Variants in WWP2 observed in about 807,000 individuals in gnomAD.
WWP2 encodes the protein NEDD4-like E3 ubiquitin-protein ligase WWP2.
WWP2 carries 57 observed loss-of-function variants against 121.0 expected under a neutral mutation model. That is an observed-to-expected ratio of 0.47 (90% CI 0.38 to 0.59). WWP2 has a LOEUF of 0.59. Ranked by LOEUF, WWP2 falls within the 20% of genes least tolerant of loss-of-function variation. The pLI is 0.00. For missense variants in WWP2, 962 were observed against 1,158.9 expected (o/e 0.83, Z 2.47); for synonymous variants, 449 against 441.3 (o/e 1.02, Z -0.22).
At position 69,930,245 on chromosome 16, in the gene WWP2, G is replaced by A; in HGVS notation, c.1432G>A (p.Gly478Arg). 6.2e-7 allele frequency: 1 copy of A among 1,613,880 alleles called. No individual in the cohort carries two copies. The highest frequency in any genetic ancestry group is 8.5e-7 in the Non-Finnish European group (1 of 1,179,904). The change falls in exon 13 of 24, where the codon GGG becomes AGG. Residue 478 changes from glycine (G) to arginine (R), a missense_variant. This residue lies in a region of WWP2 where 606 missense variants were observed against 772.6 expected (regional missense o/e 0.78). Coordinates refer to ENST00000359154, the MANE Select transcript of WWP2 (RefSeq NM_001270454.2). ...CACCACCTTTAAGGATCCTCGCCCG[G>A]GGTTTGAGTCGGGGTAAGGACTTTG... ...RTTTFKDPRPGFESGTKQGSP... is the reference protein window; with the variant it reads ...RTTTFKDPRPRFESGTKQGSP...
chr16:69,915,735 A>G (rs1312927697), intron 9 of WWP2, among the ~76,000 whole-genome samples: 5 of 152,124 alleles, frequency 3.3e-5, no homozygotes, highest in Non-Finnish European at 1.5e-5. Flanking sequence ...TTTCAAAACT[A>G]TATACATATG....
intron 11 of WWP2, among the ~76,000 whole-genome samples, chr16:69,926,829 T>C (rs779392372): frequency 1.3e-5 from 2 of 152,174 alleles, no homozygotes; most frequent in Non-Finnish European, 2.9e-5. Flanking sequence ...GCGTCGTCAG[T>C]AGGCAGGGGA....
At chr16:69,832,517 G>A (rs1208289303) in intron 4 of WWP2, among the ~76,000 whole-genome samples, 2 of 152,142 alleles carry the variant, frequency 1.3e-5, no homozygotes, top group Non-Finnish European at 2.9e-5. Flanking sequence ...CAGTTGTAGT[G>A]TAACCCTTTC....
chr16:69,871,726 A>C, intron 6 of WWP2, 78 bp from the exon 7 acceptor site: 1 of 1,575,014 alleles, frequency 6.3e-7, no homozygotes, highest in Non-Finnish European at 8.7e-7. Flanking sequence ...AGAAGGGAAT[A>C]TGATGACTTA....
intron 8 of WWP2, among the ~76,000 whole-genome samples, chr16:69,899,173 T>G (rs2151950194): frequency 6.6e-6 from 1 of 152,364 alleles, no homozygotes; most frequent in African/African-American, 2.4e-5. Context: ...TTCATGTGTC[T>G]TTTGTGTTTT....
rs568949773 is a variant in WWP2, at chr16:69,894,114, C to T, written c.914+5865C>T. ...TAACTGAGATGGAGTCTCGCTCTGT[C>T]ACCCAGGCTGGAGTGCAGTGGCAAG... On this transcript the variant is annotated intron_variant, in intron 8 of 23. Coordinates refer to ENST00000359154, the MANE Select transcript of WWP2 (RefSeq NM_001270454.2). Among the ~76,000 whole-genome samples, 229 of 151,458 alleles carry T rather than the reference C, an allele frequency of 1.5e-3. 1 individual carries two copies. Among genetic ancestry groups the T allele is most frequent in the African/African-American group, 5.4e-3 (222 of 41,268 alleles).
chr16:69,871,271 C>T (rs1302224689), intron 6 of WWP2, among the ~76,000 whole-genome samples: 1 of 152,114 alleles, frequency 6.6e-6, no homozygotes, highest in Non-Finnish European at 1.5e-5. Context: ...AGAGTGTGAC[C>T]CTGTCTCTAA....
chr16:69,808,079 C>T (rs2056317378), intron 4 of WWP2, among the ~76,000 whole-genome samples: 1 of 152,188 alleles, frequency 6.6e-6, no homozygotes, highest in Admixed American at 6.5e-5. Context: ...CAGAAGTTTC[C>T]CATTGTCCCT....
Position 69,929,477 on chromosome 16 carries a change from T to C in WWP2, c.1264T>C (p.Tyr422His). ...GAGACAGGACAATGGACGGGTGTAT[T>C]ACGTGAACCATAACACTCGCACGAC... The part of the protein sequence containing the change: ...EKRQDNGRVY[Y>H]VNHNTRTTQW... The change falls in exon 12 of 24, where the codon TAC becomes CAC. Residue 422 changes from tyrosine to histidine, a missense_variant. This residue lies in a region of WWP2 where 606 missense variants were observed against 772.6 expected (regional missense o/e 0.78). Transcript: ENST00000359154. 6.2e-7 allele frequency: 1 copy of C among 1,614,148 alleles called. No homozygotes were observed. The highest frequency in any genetic ancestry group is 2.2e-5 in the East Asian group (1 of 44,866).
rs186939545 is a variant in WWP2 at position 69,846,007 on chromosome 16, G to A, written c.575+3887G>A. On this transcript the variant is annotated intron_variant, in intron 6 of 23. Coordinates refer to ENST00000359154, the MANE Select transcript of WWP2 (RefSeq NM_001270454.2). The stretch of plus-strand genomic sequence containing the variant: ...GGAGGTTGCAGTGAGCTGAGATCTA[G>A]CCACTGCACTCCAGCCTGGGTGACA... Among the ~76,000 whole-genome samples the A allele has an allele frequency of 1.1e-3, 141 of 129,300 alleles. 2 individuals are homozygous for A. The highest frequency in any genetic ancestry group is 9.1e-3 in the Admixed American group (97 of 10,670). The allele number at this position is 129,300 out of a possible 152,430, so 84.8% of individuals were successfully genotyped here.
At position 69,799,250 on chromosome 16, in the gene WWP2, G is replaced by A. The variant is rs369381187; in HGVS notation, c.295G>A (p.Ala99Thr). 2.8e-5 allele frequency: 45 copies of A among 1,613,970 alleles called. No homozygotes were observed. Among genetic ancestry groups the A allele is most frequent in the Non-Finnish European group, 3.5e-5 (41 of 1,180,014 alleles). Residue 99 changes from alanine (A) to threonine (T), a missense_variant, in exon 4 of 24, where the codon GCA (alanine) becomes ACA (threonine). Ala to Thr is a moderately conservative substitution (Grantham distance 58). Transcript: ENST00000359154. The surrounding 1 kb of genome is among the most constrained non-coding windows in gnomAD (Gnocchi z 4.5). ...HTLRNELLGT[A>T]SVNLSNVLKN... ...CTTGAGAAATGAACTGCTAGGCACC[G>A]CATCTGTCAACCTCTCCAACGTCTT...
intron 7 of WWP2, among the ~76,000 whole-genome samples, chr16:69,877,333 C>A (rs1255570794): frequency 1.3e-5 from 2 of 152,212 alleles, no homozygotes; most frequent in African/African-American, 4.8e-5. Flanking sequence ...AACTTTTCTT[C>A]TGCAACTTCC....
chr16:69,930,342 G>T (rs1369123551), intron 13 of WWP2, 84 bp downstream of exon 13: 7 of 1,565,894 alleles, frequency 4.5e-6, no homozygotes, highest in Non-Finnish European at 6.1e-6. Flanking sequence ...CCCACTTTGG[G>T]TGGCCCCTGT....
intron 21 of WWP2, among the ~76,000 whole-genome samples, chr16:69,938,636 G>A (rs1170793038): frequency 6.6e-6 from 1 of 152,024 alleles, no homozygotes; most frequent in Non-Finnish European, 1.5e-5. Flanking sequence ...ACAGAGCAGT[G>A]GCTTCCAGTA....
At chr16:69,839,698 A>C (rs971412158) in intron 4 of WWP2, among the ~76,000 whole-genome samples, 4 of 152,262 alleles carry the variant, frequency 2.6e-5, no homozygotes, top group African/African-American at 9.6e-5. Context: ...AAGCCCCTGC[A>C]ATCCCTCATC....
intron 4 of WWP2, among the ~76,000 whole-genome samples, chr16:69,816,678 CAT>C (rs1320025445): frequency 7.2e-5 from 11 of 152,152 alleles, no homozygotes; most frequent in African/African-American, 2.4e-4. Context: ...TGAATTCCCT[CAT>C]ATGTATATAC....
intron 7 of WWP2, among the ~76,000 whole-genome samples, chr16:69,886,716 C>T (rs941961734): frequency 9.9e-5 from 15 of 152,114 alleles, no homozygotes; most frequent in Admixed American, 5.2e-4. Context: ...GCCAAGATGG[C>T]GCCATTCCAC....
Position 69,941,687 on chromosome 16 carries a change from C to T in WWP2, c.*1747C>T, listed in dbSNP as rs770542482. On this transcript the variant is annotated 3_prime_UTR_variant, in exon 24 of 24. Coordinates refer to ENST00000359154, the MANE Select transcript of WWP2 (RefSeq NM_001270454.2). ...GGTCACCAGATTGTTTTGTAATGCC[C>T]GCCCCTTGCCTCGATATTGCCAGTT... The T allele has an allele frequency of 6.5e-6, 1 of 153,672 alleles. No individual in the cohort carries two copies. The highest frequency in any genetic ancestry group is 1.5e-5 in the Non-Finnish European group (1 of 68,066). The allele number at this position is 153,672 out of a possible 1,614,324, so 9.5% of individuals were successfully genotyped here.
At chr16:69,785,820 T>C (rs984088441) in intron 1 of WWP2, among the ~76,000 whole-genome samples, 5 of 151,756 alleles carry the variant, frequency 3.3e-5, no homozygotes, top group African/African-American at 1.2e-4. Flanking sequence ...ATAGATGGGG[T>C]TTCATCATTA....
Sources: allele counts gnomAD v4.1 joint callset (sites outside exome capture counted in the v4.1 genomes callset), GRCh38; gene constraint gnomAD v4.1.1; regional missense constraint gnomAD v4.1.1; non-coding constraint Gnocchi (gnomAD v3.1); transcripts MANE v1.5; gene names NCBI Gene and HGNC (gene_info 2026-07-23, HGNC 2026-07-21).